SLCO3A1: variants seen among roughly 807,000 people sequenced by gnomAD.
The protein encoded by SLCO3A1 is solute carrier organic anion transporter family member 3A1, also known as PGE1 transporter.
SLCO3A1 carries 27 observed loss-of-function variants against 63.1 expected under a neutral mutation model. That is an observed-to-expected ratio of 0.43 (90% CI 0.32 to 0.59). The LOEUF (loss-of-function observed/expected upper bound fraction) is 0.59, where lower values mean the gene tolerates loss of function less well. SLCO3A1 is among the 20% of genes least tolerant of loss of function. The probability of loss-of-function intolerance (pLI) is 0.09; values close to 1 mark genes in which losing one functional copy is unlikely to be tolerated. For missense variants in SLCO3A1, 773 were observed against 945.8 expected (o/e 0.82, Z 2.40); for synonymous variants, 473 against 409.9 (o/e 1.15, Z -1.86).
Position 91,974,554 on chromosome 15 carries a change from A to C in SLCO3A1, c.646+58096A>C, listed in dbSNP as rs553765780. On this transcript the variant is annotated intron_variant, in intron 2 of 9. Transcript: ENST00000318445. Reference sequence around the variant, plus strand: ...CAGAGGGAAGAGCGTGGTGGGAGGTAAAAGGTGCCAGCGGGCAGAGCCAGG... The same window carrying C: ...CAGAGGGAAGAGCGTGGTGGGAGGTCAAAGGTGCCAGCGGGCAGAGCCAGG... Among the ~76,000 whole-genome samples the C allele has an allele frequency of 8.3e-4, 126 of 152,092 alleles. 1 individual carries two copies. The highest frequency in any genetic ancestry group is 2.8e-3 in the African/African-American group (116 of 41,484).
rs1900754159 is a variant in SLCO3A1, at chr15:91,968,820, C to T, written c.646+52362C>T. Among the ~76,000 whole-genome samples the T allele has an allele frequency of 6.6e-5, 10 of 152,218 alleles. No individual in the cohort carries two copies. The highest frequency in any genetic ancestry group is 6.5e-4 in the Admixed American group (10 of 15,274). On this transcript the variant is annotated intron_variant, in intron 2 of 9. Coordinates refer to ENST00000318445, the MANE Select transcript of SLCO3A1 (RefSeq NM_013272.4). This position sits in a 1 kb window ranked among gnomAD's most constrained non-coding sequence, Gnocchi z 4.2. ...GTCCGTGGTTACCCTTAGGGTGGCG[C>T]TGTTTATTGGCGCCTTTTTGCTTGG...
intron 7 of SLCO3A1, among the ~76,000 whole-genome samples, chr15:92,145,294 G>T (rs985446614): frequency 4.6e-5 from 7 of 152,228 alleles, no homozygotes; most frequent in African/African-American, 1.7e-4. Flanking sequence ...TGCTGGGGAG[G>T]AGTGGGCAGT....
At chr15:91,972,797 G>A (rs1900929458) in intron 2 of SLCO3A1, among the ~76,000 whole-genome samples, 1 of 152,196 alleles carries the variant, frequency 6.6e-6, no homozygotes, top group African/African-American at 2.4e-5. Context: ...GACTGTGGAT[G>A]AACTGCCCCT....
chr15:92,159,567 G>GTTTT (rs11455940), intron 9 of SLCO3A1, among the ~76,000 whole-genome samples: 7,090 of 137,732 alleles, frequency 0.051, 261 homozygotes, highest in South Asian at 0.08. Flanking sequence ...ACTTTGGTAG[G>GTTTT]TTTTTTTTTT....
At chr15:92,128,617 A>G in intron 7 of SLCO3A1, 128 bp downstream of exon 7, 1 of 777,266 alleles carries the variant, frequency 1.3e-6, no homozygotes, top group Non-Finnish European at 2.0e-6. Flanking sequence ...CTGTAGTGGA[A>G]GATGTTCCAT....
At chr15:92,019,604 T>C (rs1401289623) in intron 2 of SLCO3A1, among the ~76,000 whole-genome samples, 1 of 152,210 alleles carries the variant, frequency 6.6e-6, no homozygotes, top group Non-Finnish European at 1.5e-5. Flanking sequence ...AAGAGTTTGC[T>C]GGGTAGAAAT....
intron 2 of SLCO3A1, among the ~76,000 whole-genome samples, chr15:92,026,103 C>T (rs1278929200): frequency 6.6e-6 from 1 of 152,146 alleles, no homozygotes; most frequent in East Asian, 1.9e-4. Context: ...CGTGTCCAAG[C>T]CCGTGTCCAT....
At chr15:92,006,461 G>A (rs2046314017) in intron 2 of SLCO3A1, among the ~76,000 whole-genome samples, 1 of 152,166 alleles carries the variant, frequency 6.6e-6, no homozygotes, top group Non-Finnish European at 1.5e-5. Flanking sequence ...TAGGTCATGA[G>A]CTTGCTAGAA....
At chr15:91,926,609 G>GCGCGCGCGC (rs1337407319) in intron 2 of SLCO3A1, among the ~76,000 whole-genome samples, 4 of 150,130 alleles carry the variant, frequency 2.7e-5, no homozygotes, top group African/African-American at 4.9e-5. Flanking sequence ...GCGCGCGCAC[G>GCGCGCGCGC]CCCATGCTTA....
intron 2 of SLCO3A1, among the ~76,000 whole-genome samples, chr15:91,946,042 G>T (rs528102649): frequency 5.6e-4 from 85 of 152,322 alleles, no homozygotes; most frequent in African/African-American, 2.0e-3. Context: ...ATATCACTTG[G>T]TGATAGCGAA....
intron 3 of SLCO3A1, 108 bp downstream of exon 3, chr15:92,095,087 G>T (rs909097428): frequency 1.6e-6 from 1 of 633,360 alleles, no homozygotes; most frequent in Admixed American, 2.6e-5. Flanking sequence ...AGACAGTCTT[G>T]ATGCCCCTGC....
rs148251066 is a variant in SLCO3A1, at chr15:92,104,298, G to A, written c.765G>A (p.Pro255=). 213 of 1,613,960 alleles carry A rather than the reference G, an allele frequency of 1.3e-4. No individual in the cohort carries two copies. The highest frequency in any genetic ancestry group is 1.5e-4 in the Non-Finnish European group (182 of 1,180,028). Residue 255 remains proline (P), a synonymous_variant, in exon 4 of 10, where the codon CCG becomes CCA. Transcript: ENST00000318445. ...FIDTSNLDIT[P]DDPRWIGAWW... ...TTACAGGTAACCTGGACATCACTCC[G>A]GACGACCCCCGCTGGATCGGAGCCT...
chr15:92,005,532 G>C (rs150198904), intron 2 of SLCO3A1, among the ~76,000 whole-genome samples: 171 of 152,336 alleles, frequency 1.1e-3, no homozygotes, highest in Non-Finnish European at 2.0e-3. Flanking sequence ...AAGCGTGAGA[G>C]TAGTCCTACA....
In SLCO3A1 at chr15:91,954,581, A is replaced by AGGAAGAGGAAGTGGAAGTTGGCGG. The variant is rs1900107093; in HGVS notation, c.646+38144_646+38145insCGGGGAAGAGGAAGTGGAAGTTGG. Among the ~76,000 whole-genome samples, 1 of 152,182 alleles carries AGGAAGAGGAAGTGGAAGTTGGCGG rather than the reference A, an allele frequency of 6.6e-6. No individual in the cohort carries two copies. Among genetic ancestry groups the AGGAAGAGGAAGTGGAAGTTGGCGG allele is most frequent in the African/African-American group, 2.4e-5 (1 of 41,442 alleles). The stretch of plus-strand genomic sequence containing the variant: ...CCTGAGAAGTGAATCCAGGCGCAGA[A>AGGAAGAGGAAGTGGAAGTTGGCGG]GGAAGAGGAAGTGGAAGTTGGTGGG... On this transcript the variant is annotated intron_variant, in intron 2 of 9. Transcript: ENST00000318445. The surrounding 1 kb of genome is among the most constrained non-coding windows in gnomAD (Gnocchi z 4.7).
chr15:92,008,003 C>T (rs928287913), intron 2 of SLCO3A1, among the ~76,000 whole-genome samples: 2 of 152,148 alleles, frequency 1.3e-5, no homozygotes, highest in Non-Finnish European at 2.9e-5. Context: ...TCAAATGTCT[C>T]CGATGGGTCC....
At chr15:91,907,707 G>T (rs143135042) in intron 1 of SLCO3A1, among the ~76,000 whole-genome samples, 1 of 151,748 alleles carries the variant, frequency 6.6e-6, no homozygotes, top group Non-Finnish European at 1.5e-5. Flanking sequence ...TACACTTTTA[G>T]TAGAGACGGG....
At chr15:91,902,029 C>T (rs936406639) in intron 1 of SLCO3A1, among the ~76,000 whole-genome samples, 1 of 151,882 alleles carries the variant, frequency 6.6e-6, no homozygotes, top group South Asian at 2.1e-4. Flanking sequence ...GTTCAGATTG[C>T]ATAATTCTTA....
At chr15:91,857,016 GAGA>G (rs1896936907) in intron 1 of SLCO3A1, among the ~76,000 whole-genome samples, 1 of 150,822 alleles carries the variant, frequency 6.6e-6, no homozygotes, top group African/African-American at 2.4e-5. Context: ...AAGCAACTTT[GAGA>G]AGGAGGACTC....
intron 2 of SLCO3A1, among the ~76,000 whole-genome samples, chr15:91,993,940 A>G (rs1006554486): frequency 3.3e-5 from 5 of 152,120 alleles, no homozygotes; most frequent in Non-Finnish European, 7.4e-5. Flanking sequence ...ACCAGCCCCA[A>G]CTTTCCAGCC....
Sources: allele counts gnomAD v4.1 joint callset (sites outside exome capture counted in the v4.1 genomes callset), GRCh38; gene constraint gnomAD v4.1.1; non-coding constraint Gnocchi (gnomAD v3.1); transcripts MANE v1.5; gene names NCBI Gene and HGNC (gene_info 2026-07-23, HGNC 2026-07-21).